Variants in TNFSF4 observed in about 807,000 individuals in gnomAD.
TNFSF4 encodes tumor necrosis factor ligand superfamily member 4.
TNFSF4 carries 4 observed loss-of-function variants against 7.3 expected under a neutral mutation model. The ratio of observed to expected loss-of-function variants is 0.55; its 90% confidence interval spans 0.27 to 1.25. The LOEUF is 1.25. Among genes scored for constraint, TNFSF4 ranks in the 50% most tolerant of loss-of-function variants. The pLI, the probability that TNFSF4 is intolerant of heterozygous loss-of-function variation, is 0.12. For synonymous variants in TNFSF4, 76 were observed against 83.7 expected, an observed-to-expected ratio of 0.91 and a Z score of 0.50; for missense variants, 181 against 208.8, an observed-to-expected ratio of 0.87 and a Z score of 0.82.
the TNFSF4 span, among the ~76,000 whole-genome samples, chr1:173,236,764 AT>A: frequency 2.6e-5 from 4 of 152,192 alleles, no homozygotes; most frequent in African/African-American, 9.6e-5. Flanking sequence ...ATTTTTACCC[AT>A]ATGTGGAAGC....
the TNFSF4 span, among the ~76,000 whole-genome samples, chr1:173,238,771 T>C: frequency 2.6e-5 from 4 of 152,206 alleles, no homozygotes; most frequent in African/African-American, 9.6e-5. Context: ...CATGAGGTAG[T>C]AGAGAAAAGG....
the TNFSF4 span, among the ~76,000 whole-genome samples, chr1:173,248,914 G>GT: frequency 6.6e-6 from 1 of 152,038 alleles, no homozygotes; most frequent in Non-Finnish European, 1.5e-5. Context: ...ACTTTTAAAG[G>GT]TTTTCATTAA....
At chr1:173,195,776 A>G (rs539041465) in intron 1 of TNFSF4, among the ~76,000 whole-genome samples, 42 of 152,342 alleles carry the variant, frequency 2.8e-4, no homozygotes, top group South Asian at 1.4e-3. Flanking sequence ...CGGCCTTGCC[A>G]TTCCTTGCTT....
chr1:173,267,242 C>G, the TNFSF4 span, among the ~76,000 whole-genome samples: 1 of 152,104 alleles, frequency 6.6e-6, no homozygotes, highest in Non-Finnish European at 1.5e-5. Flanking sequence ...TAGTGAGTAT[C>G]CTGGAATTAT....
At chr1:173,435,445 G>GA in the TNFSF4 span, among the ~76,000 whole-genome samples, 2 of 152,164 alleles carry the variant, frequency 1.3e-5, no homozygotes, top group Non-Finnish European at 2.9e-5. Context: ...AGACCCCAAT[G>GA]AAATAGGATT....
At chr1:173,354,202 A>G in the TNFSF4 span, among the ~76,000 whole-genome samples, 1 of 152,206 alleles carries the variant, frequency 6.6e-6, no homozygotes, top group Non-Finnish European at 1.5e-5. Context: ...ATCAGATAAT[A>G]TTATAAATAT....
chr1:173,187,850 T>A (rs970215994), intron 2 of TNFSF4, among the ~76,000 whole-genome samples: 11 of 152,226 alleles, frequency 7.2e-5, no homozygotes, highest in Non-Finnish European at 1.5e-5. Flanking sequence ...TTCTGGCCCA[T>A]GTTCCTTTGT....
intron 1 of TNFSF4, chr1:173,205,361 T>C: frequency 6.2e-7 from 1 of 1,611,720 alleles, no homozygotes; most frequent in South Asian, 1.1e-5. Flanking sequence ...TTCCCACAGC[T>C]TTCCTTCTGT....
the TNFSF4 span, among the ~76,000 whole-genome samples, chr1:173,177,736 G>C: frequency 3.3e-5 from 5 of 152,088 alleles, no homozygotes; most frequent in Admixed American, 2.6e-4. Flanking sequence ...TATGGGCATA[G>C]CACTTTGTTA....
At chr1:173,261,034 A>G in the TNFSF4 span, among the ~76,000 whole-genome samples, 5 of 152,196 alleles carry the variant, frequency 3.3e-5, no homozygotes, top group South Asian at 1.0e-3. Flanking sequence ...AACAGAATAT[A>G]CTTTCTTCTC....
At chr1:173,174,971 G>A in the TNFSF4 span, 2 of 152,176 alleles carry the variant, frequency 1.3e-5, no homozygotes, top group African/African-American at 4.8e-5. Context: ...TAAACCTACA[G>A]ACTTTCATCT....
chr1:173,407,045 C>T, the TNFSF4 span, among the ~76,000 whole-genome samples: 1 of 151,774 alleles, frequency 6.6e-6, no homozygotes, highest in Non-Finnish European at 1.5e-5. Flanking sequence ...GGGTGACTGC[C>T]TCACTCGGTG....
chr1:173,408,801 G>A, the TNFSF4 span, among the ~76,000 whole-genome samples: 2 of 152,026 alleles, frequency 1.3e-5, no homozygotes, highest in Non-Finnish European at 2.9e-5. Context: ...TGTTTCCCAG[G>A]CTGGTCTCAA....
the TNFSF4 span, among the ~76,000 whole-genome samples, chr1:173,274,588 T>C: frequency 6.6e-6 from 1 of 152,110 alleles, no homozygotes; most frequent in African/African-American, 2.4e-5. Flanking sequence ...CTGATTCTAT[T>C]ACCTTACTAT....
At chr1:173,248,081 C>T in the TNFSF4 span, among the ~76,000 whole-genome samples, 2 of 152,004 alleles carry the variant, frequency 1.3e-5, no homozygotes, top group Non-Finnish European at 2.9e-5. Flanking sequence ...CCAGGCCAGG[C>T]GCAGTGGCTC....
At chr1:173,254,158 G>A in the TNFSF4 span, among the ~76,000 whole-genome samples, 4 of 152,190 alleles carry the variant, frequency 2.6e-5, no homozygotes, top group African/African-American at 9.6e-5. Flanking sequence ...CTTTAGTTGA[G>A]GCCTTTGTGC....
At chr1:173,394,421 C>T in the TNFSF4 span, among the ~76,000 whole-genome samples, 7,981 of 152,164 alleles carry the variant, frequency 0.052, 690 homozygotes, top group African/African-American at 0.18. Context: ...AGATACTTTA[C>T]TGTGATTGTC....
At chr1:173,344,808 T>C in the TNFSF4 span, among the ~76,000 whole-genome samples, 1 of 152,182 alleles carries the variant, frequency 6.6e-6, no homozygotes, top group Non-Finnish European at 1.5e-5. Context: ...ATAAAAATAA[T>C]TTTAGAAGTT....
chr1:173,297,077 C>CAAG, the TNFSF4 span, among the ~76,000 whole-genome samples: 1 of 151,836 alleles, frequency 6.6e-6, no homozygotes, highest in Non-Finnish European at 1.5e-5. Context: ...TAATGATGAG[C>CAAG]AAGAGAGTTT....
Sources: gnomAD v4.1 joint callset for allele counts (sites outside exome capture counted in the v4.1 genomes callset) on GRCh38, gnomAD v4.1.1 for gene constraint, MANE v1.5 for transcripts, NCBI Gene and HGNC (gene_info 2026-07-23, HGNC 2026-07-21) for gene names.